The following ZNF652 variants were observed in gnomAD, a reference collection of about 807,000 sequenced individuals.
ZNF652 encodes the protein zinc finger protein 652.
Under a neutral mutation model 45.2 loss-of-function variants are expected in ZNF652, and 16 were observed. The observed-to-expected ratio is 0.35, with a 90% CI of 0.24 to 0.54. The LOEUF (loss-of-function observed/expected upper bound fraction) is 0.54, where lower values mean the gene tolerates loss of function less well. ZNF652 is among the 20% of genes least tolerant of loss of function. The pLI is 0.91. For synonymous variants in ZNF652, 250 were observed against 260.6 expected (o/e 0.96, Z 0.39); for missense variants, 614 against 765.6 (o/e 0.80, Z 2.34).
At chr17:49,341,016 G>C (rs1003085702) in intron 1 of ZNF652, among the ~76,000 whole-genome samples, 2 of 152,074 alleles carry the variant, frequency 1.3e-5, no homozygotes, top group Admixed American at 1.3e-4. Flanking sequence ...AGGAGTTCGA[G>C]ATCAGTCTAA....
Position 49,317,440 on chromosome 17 carries a change from C to T in ZNF652, c.286G>A (p.Asp96Asn). 6.2e-7 allele frequency: 1 copy of T among 1,614,158 alleles called. No homozygotes were observed. The highest frequency in any genetic ancestry group is 1.1e-5 in the South Asian group (1 of 91,080). ...AVSDVHAVKE[D>N]RENSDDTEEE... The stretch of plus-strand genomic sequence containing the variant: ...TCTGTGTCATCAGAATTCTCCCGGT[C>T]TTCCTTAACAGCATGCACGTCAGAC... Residue 96 changes from aspartate to asparagine, a missense_variant, in exon 2 of 6, where the codon GAC becomes AAC. Asp to Asn is a conservative substitution (Grantham distance 23). Coordinates refer to ENST00000430262, the MANE Select transcript of ZNF652 (RefSeq NM_001145365.3).
chr17:49,321,051 T>C (rs987876444), intron 1 of ZNF652, among the ~76,000 whole-genome samples: 5 of 151,912 alleles, frequency 3.3e-5, no homozygotes, highest in African/African-American at 7.3e-5. Flanking sequence ...ACAACTTCTA[T>C]TCCCTGTAGT....
At chr17:49,335,908 GGAT>G (rs1358715687) in intron 1 of ZNF652, among the ~76,000 whole-genome samples, 2 of 152,018 alleles carry the variant, frequency 1.3e-5, no homozygotes, top group Non-Finnish European at 2.9e-5. Context: ...ACCATTCCTT[GGAT>G]GATTCTATTC....
At chr17:49,351,021 A>G (rs1458969270) in intron 1 of ZNF652, among the ~76,000 whole-genome samples, 11 of 71,986 alleles carry the variant, frequency 1.5e-4, no homozygotes, top group African/African-American at 7.0e-4. Flanking sequence ...ATATACACAC[A>G]CACACACACA....
chr17:49,304,055 A>ATTTTTTT (rs58790188), intron 5 of ZNF652, among the ~76,000 whole-genome samples: 3 of 117,398 alleles, frequency 2.6e-5, no homozygotes, highest in Non-Finnish European at 5.1e-5. Context: ...TGCCTGGCTA[A>ATTTTTTT]TTTTTTTTTT....
At position 49,296,039 on chromosome 17, in the gene ZNF652, G is replaced by A. The variant is rs545173337; in HGVS notation, c.*2374C>T. The A allele has an allele frequency of 6.7e-6, 1 of 150,000 alleles. No individual in the cohort carries two copies. Among genetic ancestry groups the A allele is most frequent in the South Asian group, 2.1e-4 (1 of 4,752 alleles). 9.3% of individuals were successfully genotyped at this position (150,000 alleles called of 1,614,324 possible). On this transcript the variant is annotated 3_prime_UTR_variant, in exon 6 of 6. Coordinates refer to ENST00000430262, the MANE Select transcript of ZNF652 (RefSeq NM_001145365.3). The stretch of plus-strand genomic sequence containing the variant: ...AAAATCATTTTAATACTACAGGCTT[G>A]ACCATGAAATAATGATATGTCTATA...
At position 49,362,232 on chromosome 17, in the gene ZNF652, G is replaced by A. The variant is rs2070408490; in HGVS notation, c.-582C>T. The A allele has an allele frequency of 1.3e-5, 2 of 150,586 alleles. No homozygotes were observed. The highest frequency in any genetic ancestry group is 1.9e-4 in the South Asian group (1 of 5,294). The allele number at this position is 150,586 out of a possible 1,614,324, so 9.3% of individuals were successfully genotyped here. A position where few individuals can be genotyped will look rare whatever the true frequency, so the allele number is the denominator to read the frequency against. ...GTGTGTGGATGTGTGTGCCGGAGGGGGCAGGGAGGGAGGCGAGCGGCGGCG... is the reference window on the plus strand; with the variant it reads ...GTGTGTGGATGTGTGTGCCGGAGGGAGCAGGGAGGGAGGCGAGCGGCGGCG... On this transcript the variant is annotated 5_prime_UTR_variant, in exon 1 of 6. Transcript: ENST00000430262.
At chr17:49,327,734 T>C (rs866260574) in intron 1 of ZNF652, among the ~76,000 whole-genome samples, 1 of 6,186 alleles carries the variant, frequency 1.6e-4, no homozygotes, top group Non-Finnish European at 4.3e-4. Context: ...TAAATAAATA[T>C]ATATATATAT....
At chr17:49,315,829 T>C (rs1310109154) in intron 2 of ZNF652, among the ~76,000 whole-genome samples, 1 of 152,190 alleles carries the variant, frequency 6.6e-6, no homozygotes. Flanking sequence ...TTTTAGCAAA[T>C]GCAATTTCCA....
chr17:49,317,873 C>T lies in ZNF652; in HGVS notation c.-148G>A, dbSNP rs1598296740. The T allele has an allele frequency of 1.1e-6, 1 of 880,602 alleles. No individual in the cohort carries two copies. Among genetic ancestry groups the T allele is most frequent in the East Asian group, 2.7e-5 (1 of 36,520 alleles). 54.5% of individuals were successfully genotyped at this position (880,602 alleles called of 1,614,324 possible). On this transcript the variant is annotated 5_prime_UTR_variant, in exon 2 of 6. Coordinates refer to ENST00000430262, the MANE Select transcript of ZNF652 (RefSeq NM_001145365.3). ...TCCTGGAAACTGTGTGCAATTCTTC[C>T]AGTGTTGCAGCACCAAAGCATGAGT...
At chr17:49,312,989 C>T in intron 2 of ZNF652, 144 bp from the exon 3 acceptor site, 1 of 681,376 alleles carries the variant, frequency 1.5e-6, no homozygotes, top group Non-Finnish European at 2.4e-6. Flanking sequence ...AGCCCAGATT[C>T]CAACACCAAC....
At chr17:49,299,374 AT>A (rs1344219295) in intron 5 of ZNF652, among the ~76,000 whole-genome samples, 9 of 151,900 alleles carry the variant, frequency 5.9e-5, no homozygotes, top group Middle Eastern at 3.4e-3. Context: ...TCTGTAAGAA[AT>A]TTTTTTTCTT....
At chr17:49,312,893 C>T (rs780499653) in intron 2 of ZNF652, 48 bp from the exon 3 acceptor site, 1 of 1,573,342 alleles carries the variant, frequency 6.4e-7, no homozygotes, top group Non-Finnish European at 8.6e-7. Flanking sequence ...TACAGCATGC[C>T]ATACCAGCCT....
chr17:49,311,616 T>C (rs186827479), intron 4 of ZNF652, among the ~76,000 whole-genome samples, 160 bp from the exon 5 acceptor site: 176 of 152,342 alleles, frequency 1.2e-3, no homozygotes, highest in Admixed American at 2.9e-3. Context: ...GGTGAGTTAC[T>C]AATAAAAGGG....
At chr17:49,307,649 G>A (rs2069650914) in intron 5 of ZNF652, among the ~76,000 whole-genome samples, 1 of 151,510 alleles carries the variant, frequency 6.6e-6, no homozygotes, top group Non-Finnish European at 1.5e-5. Context: ...CTACTCAGGA[G>A]GTTGAAGCAG....
chr17:49,344,586 T>C (rs916238344), intron 1 of ZNF652, among the ~76,000 whole-genome samples: 27 of 146,764 alleles, frequency 1.8e-4, no homozygotes, highest in Non-Finnish European at 1.0e-4. Context: ...AGTGGTGCAA[T>C]CTCGGCTCAC....
chr17:49,310,058 A>G (rs1299422886), intron 5 of ZNF652, among the ~76,000 whole-genome samples: 1 of 152,030 alleles, frequency 6.6e-6, no homozygotes, highest in Non-Finnish European at 1.5e-5. Context: ...GGTTCACGCC[A>G]TTCTCCTGCC....
Position 49,313,973 on chromosome 17 carries a change from C to CAAAAAAAAAAAAAAAAAAAA in ZNF652, c.901-1148_901-1129dup, listed in dbSNP as rs71144595. ...GGCAACAAAGAGCGAAACTCCATCT[C>CAAAAAAAAAAAAAAAAAAAA]AAAAAAAAAAAAAAAAAAAAAAAAA... On this transcript the variant is annotated intron_variant, in intron 2 of 5. Transcript: ENST00000430262. 3.9e-4 allele frequency among the ~76,000 whole-genome samples: 9 copies of CAAAAAAAAAAAAAAAAAAAA among 22,866 alleles called. 2 individuals carry two copies. Among genetic ancestry groups the CAAAAAAAAAAAAAAAAAAAA allele is most frequent in the African/African-American group, 5.7e-4 (3 of 5,250 alleles). The allele number at this position is 22,866 out of a possible 152,430, so 15.0% of individuals were successfully genotyped here.
At chr17:49,360,449 A>G (rs2070380818) in intron 1 of ZNF652, among the ~76,000 whole-genome samples, 1 of 152,204 alleles carries the variant, frequency 6.6e-6, no homozygotes, top group Non-Finnish European at 1.5e-5. Context: ...TAACCACTGA[A>G]GTCAGTTCCA....
Sources: allele counts gnomAD v4.1 joint callset (sites outside exome capture counted in the v4.1 genomes callset), GRCh38; gene constraint gnomAD v4.1.1; transcripts MANE v1.5; gene names NCBI Gene and HGNC (gene_info 2026-07-23, HGNC 2026-07-21).